ARHGEF26: variants seen among roughly 807,000 people sequenced by gnomAD.
ARHGEF26 encodes Rho guanine nucleotide exchange factor (GEF) 26.
ARHGEF26 carries 59 observed loss-of-function variants against 89.4 expected under a neutral mutation model. That is an observed-to-expected ratio of 0.66 (90% CI 0.54 to 0.82). ARHGEF26 has a LOEUF of 0.82. ARHGEF26 is among the 40% of genes least tolerant of loss of function. ARHGEF26 has a pLI of 0.00. For synonymous variants in ARHGEF26, 500 were observed against 428.4 expected, an observed-to-expected ratio of 1.17 and a Z score of -2.06; for missense variants, 1,234 against 1,085.6, an observed-to-expected ratio of 1.14 and a Z score of -1.92.
At chr3:154,128,692 A>G (rs10935975) in intron 3 of ARHGEF26, among the ~76,000 whole-genome samples, 35,828 of 152,068 alleles carry the variant, frequency 0.24, 5,698 homozygotes, top group East Asian at 0.47. Context: ...CTGTTTGGGC[A>G]CTAGTTCTTC....
intron 11 of ARHGEF26, among the ~76,000 whole-genome samples, chr3:154,239,289 AGAGAGAGAGAGT>A (rs1717329233): frequency 1.7e-3 from 175 of 103,690 alleles, no homozygotes; most frequent in African/African-American, 6.7e-3. Flanking sequence ...AGAGAGAGAG[AGAGAGAGAGAGT>A]GTGTGTGTGT....
chr3:154,161,282 T>C (rs1711647823), intron 6 of ARHGEF26, among the ~76,000 whole-genome samples: 1 of 81,188 alleles, frequency 1.2e-5, no homozygotes, highest in African/African-American at 4.9e-5. Context: ...AACAATAAGT[T>C]GAGTATTACA....
intron 9 of ARHGEF26, among the ~76,000 whole-genome samples, chr3:154,207,179 C>T (rs1405690929): frequency 2.6e-5 from 4 of 152,066 alleles, no homozygotes; most frequent in Admixed American, 6.5e-5. Flanking sequence ...TCATACCATT[C>T]GGGACATAGG....
At chr3:154,251,251 GGTA>G (rs1327813732) in intron 12 of ARHGEF26, among the ~76,000 whole-genome samples, 4 of 151,946 alleles carry the variant, frequency 2.6e-5, no homozygotes, top group African/African-American at 9.7e-5. Context: ...AAATAATTTT[GGTA>G]ATATTTTCTT....
chr3:154,231,656 T>C (rs1001278912), intron 11 of ARHGEF26, among the ~76,000 whole-genome samples: 4 of 152,230 alleles, frequency 2.6e-5, no homozygotes, highest in African/African-American at 7.2e-5. Flanking sequence ...ATTTTATTGT[T>C]TTTAAAAAAT....
At position 154,255,925 on chromosome 3, in the gene ARHGEF26, C is replaced by T; in HGVS notation, c.*452C>T. On this transcript the variant is annotated 3_prime_UTR_variant, in exon 15 of 15. Transcript: ENST00000465093. Reference sequence around the variant, plus strand: ...TCCAGTTTTGTAAATATTTCCCTGCCTTTTTTTTTCTTTTTTTACATCTGA... The same window carrying T: ...TCCAGTTTTGTAAATATTTCCCTGCTTTTTTTTTTCTTTTTTTACATCTGA... The T allele has an allele frequency of 1.0e-6, 1 of 981,966 alleles. No homozygotes were observed. The highest frequency in any genetic ancestry group is 1.2e-6 in the Non-Finnish European group (1 of 826,866). 60.8% of individuals were successfully genotyped at this position (981,966 alleles called of 1,614,324 possible).
At chr3:154,239,403 G>A (rs1451467039) in intron 11 of ARHGEF26, among the ~76,000 whole-genome samples, 2 of 151,422 alleles carry the variant, frequency 1.3e-5, no homozygotes, top group Non-Finnish European at 2.9e-5. Context: ...GAGAGGATCG[G>A]AAACGATCCA....
At chr3:154,224,440 C>A (rs1227190115) in intron 10 of ARHGEF26, among the ~76,000 whole-genome samples, 4 of 152,158 alleles carry the variant, frequency 2.6e-5, no homozygotes. Flanking sequence ...TTTCTCCACC[C>A]CCTAAATCAG....
intron 6 of ARHGEF26, among the ~76,000 whole-genome samples, chr3:154,186,165 A>ACACCCC (rs766757043): frequency 6.0e-5 from 9 of 150,138 alleles, no homozygotes; most frequent in African/African-American, 2.0e-4. Context: ...ACACACACAC[A>ACACCCC]CCCCTATACA....
At chr3:154,196,541 A>G (rs1559891649) in intron 9 of ARHGEF26, among the ~76,000 whole-genome samples, 1 of 152,184 alleles carries the variant, frequency 6.6e-6, no homozygotes, top group Non-Finnish European at 1.5e-5. Flanking sequence ...CCTTGCCAAT[A>G]ATATTTACAA....
intron 1 of ARHGEF26, 22 bp from the exon 2 acceptor site, chr3:154,121,920 T>C (rs1373993464): frequency 2.7e-6 from 4 of 1,508,732 alleles, no homozygotes; most frequent in Non-Finnish European, 3.5e-6. Context: ...AGGCACAGTT[T>C]CCTAACTTCT....
chr3:154,150,210 TA>T (rs1719939672), intron 5 of ARHGEF26, among the ~76,000 whole-genome samples: 1 of 151,456 alleles, frequency 6.6e-6, no homozygotes, highest in African/African-American at 2.4e-5. Flanking sequence ...TTTTCAAGTT[TA>T]AAAAAAATAA....
chr3:154,124,427 A>T lies in ARHGEF26; in HGVS notation c.1101A>T (p.Gly367=). Residue 367 remains glycine (G), a synonymous_variant, in exon 3 of 15, where the codon GGA becomes GGT. Transcript: ENST00000465093. ...TCTCTTAGAAAAAAATGCTGAAAGGACAAGGAACATTTGATGGGGAAGGTA... is the reference window on the plus strand; with the variant it reads ...TCTCTTAGAAAAAAATGCTGAAAGGTCAAGGAACATTTGATGGGGAAGGTA... ...LGRIKKKMLK[G]QGTFDGEENA... 1 of 1,511,618 alleles carries T rather than the reference A, an allele frequency of 6.6e-7. No homozygotes were observed. The highest frequency in any genetic ancestry group is 1.3e-5 in the South Asian group (1 of 74,858). 93.6% of individuals were successfully genotyped at this position (1,511,618 alleles called of 1,614,324 possible).
rs954781007 is a variant in ARHGEF26 at position 154,132,685 on chromosome 3, C to CG, written c.1269+2966_1269+2967insG. Among the ~76,000 whole-genome samples the CG allele has an allele frequency of 3.9e-5, 6 of 152,102 alleles. No homozygotes were observed. In the East Asian group the frequency reaches 5.8e-4, roughly 15 times the overall value. ...AGCGTTTAGGGCAGGTCTCAGAAGA[C>CG]TTTCAACTTTAATATATATATTCAG... On this transcript the variant is annotated intron_variant, in intron 4 of 14. Transcript: ENST00000465093.
chr3:154,195,249 A>G (rs1472923839), intron 9 of ARHGEF26, among the ~76,000 whole-genome samples: 2 of 152,114 alleles, frequency 1.3e-5, no homozygotes, highest in Non-Finnish European at 1.5e-5. Context: ...GTAGAGGTCC[A>G]AAGGCAAGAA....
At position 154,194,890 on chromosome 3, in the gene ARHGEF26, G is replaced by T. The variant is rs979896812; in HGVS notation, c.1845+172G>T. Reference sequence around the variant, plus strand: ...TATTTGCTATACTCAGGTGAAGTTGGTATTTTTACTGTTTCAGACAGTTTT... The same window carrying T: ...TATTTGCTATACTCAGGTGAAGTTGTTATTTTTACTGTTTCAGACAGTTTT... On this transcript the variant is annotated intron_variant, in intron 9 of 14. Coordinates refer to ENST00000465093, the MANE Select transcript of ARHGEF26 (RefSeq NM_015595.4). Among the ~76,000 whole-genome samples, 15 of 152,316 alleles carry T rather than the reference G, an allele frequency of 9.8e-5. No individual in the cohort carries two copies. The East Asian group carries it at 1.7e-3, about 18-fold the overall frequency.
chr3:154,161,751 C>A (rs184371083), intron 6 of ARHGEF26, among the ~76,000 whole-genome samples: 1 of 152,238 alleles, frequency 6.6e-6, no homozygotes, highest in East Asian at 1.9e-4. Context: ...TAAATAGATT[C>A]TTCCATAATC....
At position 154,122,118 on chromosome 3, in the gene ARHGEF26, C is replaced by T; in HGVS notation, c.126C>T (p.Ser42=). Residue 42 remains serine, a synonymous_variant, in exon 2 of 15, where the codon AGC becomes AGT. Transcript: ENST00000465093. ...RSKPRPQSYQ[S]PNGLLITDFP... Reference sequence around the variant, plus strand: ...AGCCGAGGCCCCAGTCCTACCAGAGCCCCAACGGGTTACTAATTACGGATT... The same window carrying T: ...AGCCGAGGCCCCAGTCCTACCAGAGTCCCAACGGGTTACTAATTACGGATT... The T allele has an allele frequency of 1.2e-6, 2 of 1,608,776 alleles. No homozygotes were observed. The highest frequency in any genetic ancestry group is 1.7e-6 in the Non-Finnish European group (2 of 1,177,506).
At chr3:154,238,710 T>C (rs745370046) in intron 11 of ARHGEF26, among the ~76,000 whole-genome samples, 1 of 152,218 alleles carries the variant, frequency 6.6e-6, no homozygotes, top group Non-Finnish European at 1.5e-5. Context: ...CATCCACTTA[T>C]GTGACAGTTA....
Sources: allele counts gnomAD v4.1 joint callset (sites outside exome capture counted in the v4.1 genomes callset), GRCh38; gene constraint gnomAD v4.1.1; transcripts MANE v1.5; gene names NCBI Gene and HGNC (gene_info 2026-07-23, HGNC 2026-07-21).